Variants in PDE3A observed in about 807,000 individuals in gnomAD.
The protein encoded by PDE3A is cGMP-inhibited 3',5'-cyclic phosphodiesterase 3A.
In PDE3A, 43 loss-of-function variants were observed where a neutral mutation model predicts 98.3. The ratio of observed to expected loss-of-function variants is 0.44; its 90% CI spans 0.34 to 0.56. PDE3A has a LOEUF of 0.56. Ranked by LOEUF, PDE3A falls within the 20% of genes least tolerant of loss-of-function variation. PDE3A has a pLI of 0.01. For missense variants in PDE3A, 1,427 were observed against 1,440.7 expected (o/e 0.99, Z 0.15); for synonymous variants, 663 against 567.9 (o/e 1.17, Z -2.38).
At chr12:20,389,132 C>T (rs1182494945) in intron 1 of PDE3A, among the ~76,000 whole-genome samples, 4 of 151,836 alleles carry the variant, frequency 2.6e-5, no homozygotes, top group African/African-American at 4.8e-5. Context: ...ACGGTTCTGT[C>T]GAAGGAGAGT....
intron 1 of PDE3A, among the ~76,000 whole-genome samples, chr12:20,530,288 T>A (rs1269289107): frequency 1.3e-5 from 2 of 152,308 alleles, no homozygotes; most frequent in East Asian, 3.9e-4. Flanking sequence ...TGTACCATAA[T>A]TCATAGTAGT....
Position 20,369,514 on chromosome 12 carries a change from T to A in PDE3A, c.230T>A (p.Leu77Gln), listed in dbSNP as rs1008149263. Residue 77 changes from leucine (L) to glutamine (Q), a missense_variant, in exon 1 of 16, where the codon CTG becomes CAG. Transcript: ENST00000359062. ...AGSLSFLLAL[L>Q]VRLVRGEVGC... is the part of the protein sequence containing the mutation. ...TCCCTGTCCTTTCTGCTGGCGCTGC[T>A]GGTGAGGCTGGTCCGCGGGGAGGTC... 3 of 1,560,328 alleles carry A rather than the reference T, an allele frequency of 1.9e-6. No individual in the cohort carries two copies. The Admixed American group carries it at 5.7e-5, about 30-fold the overall frequency.
At chr12:20,491,821 T>C (rs959528357) in intron 1 of PDE3A, among the ~76,000 whole-genome samples, 1 of 152,200 alleles carries the variant, frequency 6.6e-6, no homozygotes, top group East Asian at 1.9e-4. Flanking sequence ...TAATCGAATC[T>C]CTTTACAGTA....
chr12:20,503,035 A>G (rs1946051349), intron 1 of PDE3A, among the ~76,000 whole-genome samples: 1 of 152,140 alleles, frequency 6.6e-6, no homozygotes, highest in Non-Finnish European at 1.5e-5. Context: ...ATCATGTATC[A>G]CAGAGCCTGG....
chr12:20,500,557 GTTTTC>G (rs1397458146), intron 1 of PDE3A, among the ~76,000 whole-genome samples: 1 of 151,780 alleles, frequency 6.6e-6, no homozygotes, highest in African/African-American at 2.4e-5. Context: ...CCTTTAAAAT[GTTTTC>G]TTTTCTTTCT....
At chr12:20,509,632 TG>T (rs1946183360) in intron 1 of PDE3A, among the ~76,000 whole-genome samples, 1 of 152,158 alleles carries the variant, frequency 6.6e-6, no homozygotes, top group African/African-American at 2.4e-5. Context: ...CCTACTTTTT[TG>T]TTTTATAATG....
At chr12:20,556,365 G>GA (rs1683914572) in intron 1 of PDE3A, among the ~76,000 whole-genome samples, 1 of 152,024 alleles carries the variant, frequency 6.6e-6, no homozygotes, top group East Asian at 1.9e-4. Context: ...TTAATAATAT[G>GA]CAAATAAAGC....
At chr12:20,422,100 A>G (rs1425510669) in intron 1 of PDE3A, among the ~76,000 whole-genome samples, 2 of 152,320 alleles carry the variant, frequency 1.3e-5, no homozygotes, top group South Asian at 4.1e-4. Flanking sequence ...TAATCCTAGC[A>G]CTTTGGGAGG....
intron 1 of PDE3A, among the ~76,000 whole-genome samples, chr12:20,452,889 AG>A (rs1945091884): frequency 6.6e-6 from 1 of 152,170 alleles, no homozygotes; most frequent in Non-Finnish European, 1.5e-5. Flanking sequence ...GATTAGGTGA[AG>A]GGGCCCCAAG....
chr12:20,563,990 T>C (rs560328142), intron 2 of PDE3A, among the ~76,000 whole-genome samples: 1 of 152,204 alleles, frequency 6.6e-6, no homozygotes, highest in African/African-American at 2.4e-5. Flanking sequence ...ACACAGTTTT[T>C]AGCAAATCTA....
At chr12:20,599,940 A>AT (rs1487083571) in intron 2 of PDE3A, among the ~76,000 whole-genome samples, 1 of 152,102 alleles carries the variant, frequency 6.6e-6, no homozygotes, top group African/African-American at 2.4e-5. Context: ...ACTCATAAAC[A>AT]TTTTTCAAGA....
chr12:20,596,949 A>T (rs1462811813), intron 2 of PDE3A, among the ~76,000 whole-genome samples: 1 of 152,158 alleles, frequency 6.6e-6, no homozygotes, highest in East Asian at 1.9e-4. Context: ...TGTACATAGG[A>T]ACGGTACCCA....
chr12:20,388,525 G>C (rs1943854307), intron 1 of PDE3A, among the ~76,000 whole-genome samples: 1 of 151,944 alleles, frequency 6.6e-6, no homozygotes, highest in Non-Finnish European at 1.5e-5. Context: ...AGAAGAACAT[G>C]AAAACAAATG....
intron 1 of PDE3A, among the ~76,000 whole-genome samples, chr12:20,515,160 A>C (rs540260915): frequency 6.6e-6 from 1 of 152,306 alleles, no homozygotes; most frequent in East Asian, 1.9e-4. Context: ...ATGGCATTTA[A>C]ATTTCAACGT....
chr12:20,588,958 T>C (rs1943255037), intron 2 of PDE3A, among the ~76,000 whole-genome samples: 1 of 152,238 alleles, frequency 6.6e-6, no homozygotes, highest in South Asian at 2.1e-4. Flanking sequence ...GGTCTCGCTC[T>C]GTCGCCCAGG....
intron 15 of PDE3A, among the ~76,000 whole-genome samples, chr12:20,669,318 G>A (rs1945406320): frequency 1.3e-5 from 2 of 152,068 alleles, no homozygotes; most frequent in African/African-American, 2.4e-5. Flanking sequence ...AGCAAGGCAG[G>A]CCAACGTTCA....
At chr12:20,605,034 A>T (rs1042249786) in intron 2 of PDE3A, among the ~76,000 whole-genome samples, 9 of 152,218 alleles carry the variant, frequency 5.9e-5, no homozygotes, top group African/African-American at 2.2e-4. Context: ...CAAGGGAAAT[A>T]CATTCTTAGG....
intron 1 of PDE3A, among the ~76,000 whole-genome samples, chr12:20,544,626 A>G (rs939094837): frequency 6.6e-6 from 1 of 151,912 alleles, no homozygotes; most frequent in Non-Finnish European, 1.5e-5. Flanking sequence ...TTATTGTTGT[A>G]AGTAGCACAG....
intron 1 of PDE3A, among the ~76,000 whole-genome samples, chr12:20,525,269 G>A (rs75280392): frequency 6.6e-6 from 1 of 152,144 alleles, no homozygotes; most frequent in African/African-American, 2.4e-5. Flanking sequence ...GGTCACCCAG[G>A]AAGTGTGCTT....
Sources: allele counts gnomAD v4.1 joint callset (sites outside exome capture counted in the v4.1 genomes callset), GRCh38; gene constraint gnomAD v4.1.1; transcripts MANE v1.5; gene names NCBI Gene and HGNC (gene_info 2026-07-23, HGNC 2026-07-21).